The following SLC12A2 variants were observed in gnomAD, a reference collection of about 807,000 sequenced individuals.
SLC12A2 encodes solute carrier family 12 member 2, also known as Na-K-2Cl cotransporter 1.
A neutral mutation model predicts 136.3 loss-of-function variants in SLC12A2; 67 were observed. The ratio of observed to expected loss-of-function variants is 0.49; its 90% CI spans 0.40 to 0.60. SLC12A2 has a LOEUF of 0.60. Ranked by LOEUF, SLC12A2 falls within the 20% of genes least tolerant of loss-of-function variation. The pLI is 0.00. For synonymous variants in SLC12A2, 619 were observed against 562.9 expected, an observed-to-expected ratio of 1.10 and a Z score of -1.41; for missense variants, 1,322 against 1,534.7, an observed-to-expected ratio of 0.86 and a Z score of 2.32.
chr5:128,112,634 T>C (rs1489296917), intron 1 of SLC12A2, among the ~76,000 whole-genome samples, 180 bp from the exon 2 acceptor site: 1 of 152,208 alleles, frequency 6.6e-6, no homozygotes, highest in African/African-American at 2.4e-5. Flanking sequence ...GTAATTAAGG[T>C]TTTCTTCTAG....
Position 128,161,782 on chromosome 5 carries a change from T to G in SLC12A2, c.2598T>G (p.Gly866=). 1 of 1,477,634 alleles carries G rather than the reference T, an allele frequency of 6.8e-7. No homozygotes were observed. Among genetic ancestry groups the G allele is most frequent in the Non-Finnish European group, 9.0e-7 (1 of 1,116,560 alleles). The allele number at this position is 1,477,634 out of a possible 1,614,324, so 91.5% of individuals were successfully genotyped here. The change falls in exon 17 of 27, where the codon GGT becomes GGG. Residue 866 remains glycine (G), a synonymous_variant. Transcript: ENST00000262461. ...APVHADDLRE[G]AQYLMQAAGL... ...TACATGCAGATGACTTGAGAGAAGG[T>G]GCACAGTATTTGATGCAGGTAACTT...
chr5:128,151,407 T>A lies in SLC12A2; in HGVS notation c.2263+11T>A. 1 of 1,601,738 alleles carries A rather than the reference T, an allele frequency of 6.2e-7. No homozygotes were observed. The highest frequency in any genetic ancestry group is 1.7e-4 in the Middle Eastern group (1 of 6,036). ...CCTACAAAAAACCAGGTCAGTAGCCTTTTTTGTTTATATCCCAAGCTAGAA... is the reference window on the plus strand; with the variant it reads ...CCTACAAAAAACCAGGTCAGTAGCCATTTTTGTTTATATCCCAAGCTAGAA... On this transcript the variant is annotated intron_variant, in intron 14 of 26. Transcript: ENST00000262461.
At position 128,090,282 on chromosome 5, in the gene SLC12A2, C is replaced by T. The variant is rs545726867; in HGVS notation, c.756+5572C>T. On this transcript the variant is annotated intron_variant, in intron 1 of 26. Transcript: ENST00000262461. ...AATGTAGCAAAAAATCAGTACACTG[C>T]TAAATTGATATCTTCTCTGTGTGTA... Among the ~76,000 whole-genome samples, 37 of 152,234 alleles carry T rather than the reference C, an allele frequency of 2.4e-4. No homozygotes were observed. In the South Asian group the frequency reaches 7.7e-3, roughly 32 times the overall value.
intron 1 of SLC12A2, among the ~76,000 whole-genome samples, chr5:128,108,817 T>G (rs1761038046): frequency 6.6e-6 from 1 of 152,220 alleles, no homozygotes; most frequent in Admixed American, 6.5e-5. Context: ...TAATAAAGTT[T>G]AAAAACAATT....
chr5:128,167,639 C>A, intron 17 of SLC12A2, 122 bp from the exon 18 acceptor site: 2 of 568,576 alleles, frequency 3.5e-6, no homozygotes, highest in South Asian at 5.5e-5. Flanking sequence ...ATATGGAATG[C>A]TGAAGAATTT....
At chr5:128,110,428 AAGG>A in intron 1 of SLC12A2, 2 of 1,121,190 alleles carry the variant, frequency 1.8e-6, no homozygotes, top group Non-Finnish European at 2.7e-6. Flanking sequence ...GACAGCCGCA[AAGG>A]AGACTTGAGC....
chr5:128,113,663 G>A (rs567936476), intron 2 of SLC12A2, among the ~76,000 whole-genome samples: 1 of 152,228 alleles, frequency 6.6e-6, no homozygotes, highest in Admixed American at 6.5e-5. Flanking sequence ...TTAGATTTTA[G>A]TGTTTTAGAA....
At chr5:128,088,069 A>G (rs548588425) in intron 1 of SLC12A2, among the ~76,000 whole-genome samples, 1 of 151,342 alleles carries the variant, frequency 6.6e-6, no homozygotes, top group South Asian at 2.1e-4. Context: ...AAATATATAT[A>G]TTTACATATA....
chr5:128,109,276 T>C (rs1401984421), intron 1 of SLC12A2, among the ~76,000 whole-genome samples: 1 of 152,246 alleles, frequency 6.6e-6, no homozygotes, highest in African/African-American at 2.4e-5. Flanking sequence ...CTGGTGACCC[T>C]CACCTAGGCG....
intron 16 of SLC12A2, among the ~76,000 whole-genome samples, chr5:128,158,372 G>A (rs1451660272): frequency 6.6e-6 from 1 of 152,042 alleles, no homozygotes; most frequent in Non-Finnish European, 1.5e-5. Context: ...CCTCAAGTAG[G>A]CCTCAGTGTC....
chr5:128,107,144 G>A (rs915417700), intron 1 of SLC12A2, among the ~76,000 whole-genome samples: 2 of 152,138 alleles, frequency 1.3e-5, no homozygotes, highest in African/African-American at 4.8e-5. Flanking sequence ...CCTATTCAGA[G>A]TCATTTCTTA....
rs1460491827 is a variant in SLC12A2, at chr5:128,188,616, A to T, written c.*1985A>T. On this transcript the variant is annotated 3_prime_UTR_variant, in exon 27 of 27. Transcript: ENST00000262461. Reference sequence around the variant, plus strand: ...CTGGTTTTCATGAATCTTGATAGACATCTATAACGTTATTATTTTCAGTGG... The same window carrying T: ...CTGGTTTTCATGAATCTTGATAGACTTCTATAACGTTATTATTTTCAGTGG... The T allele has an allele frequency of 1.3e-5, 2 of 151,730 alleles. No homozygotes were observed. Among genetic ancestry groups the T allele is most frequent in the Admixed American group, 1.3e-4 (2 of 15,202 alleles). The allele number at this position is 151,730 out of a possible 1,614,324, so 9.4% of individuals were successfully genotyped here. A position where few individuals can be genotyped will look rare whatever the true frequency, so the allele number is the denominator to read the frequency against.
intron 4 of SLC12A2, among the ~76,000 whole-genome samples, chr5:128,128,744 G>A (rs1031181472): frequency 2.7e-5 from 4 of 150,824 alleles, no homozygotes; most frequent in Non-Finnish European, 4.4e-5. Context: ...AAAATAAGGT[G>A]TATACCTAGT....
chr5:128,180,826 G>A (rs1763682506), intron 22 of SLC12A2, 57 bp from the exon 23 acceptor site: 1 of 992,676 alleles, frequency 1.0e-6, no homozygotes, highest in Admixed American at 1.9e-5. Context: ...CTAAATTGAT[G>A]TTCCTGATTA....
At chr5:128,124,866 A>G (rs767100064) in intron 4 of SLC12A2, among the ~76,000 whole-genome samples, 1 of 152,054 alleles carries the variant, frequency 6.6e-6, no homozygotes, top group African/African-American at 2.4e-5. Context: ...GCACTGTCCA[A>G]TCCGGAAGCT....
intron 17 of SLC12A2, among the ~76,000 whole-genome samples, chr5:128,166,822 T>G (rs1763219975): frequency 6.6e-6 from 1 of 152,028 alleles, no homozygotes; most frequent in African/African-American, 2.4e-5. Flanking sequence ...TTATTTATCT[T>G]TTGCTACAAT....
At chr5:128,095,213 C>T (rs4835941) in intron 1 of SLC12A2, among the ~76,000 whole-genome samples, 52,185 of 151,910 alleles carry the variant, frequency 0.34, 11,473 homozygotes, top group African/African-American at 0.62. Context: ...AGATTTGGGT[C>T]TTTAAAGGCC....
chr5:128,167,017 TAATACAAATTTTAAA>T (rs1312374938), intron 17 of SLC12A2, among the ~76,000 whole-genome samples: 1 of 152,000 alleles, frequency 6.6e-6, no homozygotes, highest in East Asian at 1.9e-4. Flanking sequence ...ACAATAAAAA[TAATACAAATTTTAAA>T]AATACAATAT....
At chr5:128,185,611 C>T (rs1052401184) in intron 26 of SLC12A2, among the ~76,000 whole-genome samples, 3 of 152,132 alleles carry the variant, frequency 2.0e-5, no homozygotes, top group African/African-American at 7.2e-5. Context: ...TAGAGAAAAA[C>T]TATACAGCAA....
Sources: gnomAD v4.1 joint callset for allele counts (sites outside exome capture counted in the v4.1 genomes callset) on GRCh38, gnomAD v4.1.1 for gene constraint, MANE v1.5 for transcripts, NCBI Gene and HGNC (gene_info 2026-07-23, HGNC 2026-07-21) for gene names.